Variants in ASTN2 observed in about 807,000 individuals in gnomAD.
The protein encoded by ASTN2 is astrotactin-2.
A neutral mutation model predicts 139.8 loss-of-function variants in ASTN2; 54 were observed. That is an observed-to-expected ratio of 0.39 (90% CI 0.31 to 0.48). ASTN2 has a LOEUF of 0.48. Among genes scored for constraint, ASTN2 ranks in the 20% least tolerant of loss-of-function variants. ASTN2 has a pLI of 0.95. For synonymous variants in ASTN2, 756 were observed against 719.5 expected, an observed-to-expected ratio of 1.05 and a Z score of -0.81; for missense variants, 1,565 against 1,725.1, an observed-to-expected ratio of 0.91 and a Z score of 1.64.
At chr9:116,874,068 G>A (rs959120494) in intron 10 of ASTN2, among the ~76,000 whole-genome samples, 2 of 152,190 alleles carry the variant, frequency 1.3e-5, no homozygotes, top group African/African-American at 4.8e-5. Flanking sequence ...ACACTCAGAT[G>A]CAGGACTTGG....
intron 3 of ASTN2, among the ~76,000 whole-genome samples, chr9:117,174,380 T>A (rs1375356752): frequency 1.3e-5 from 2 of 151,770 alleles, no homozygotes; most frequent in Non-Finnish European, 2.9e-5. Flanking sequence ...AACAGACAAC[T>A]AAAATAGCCA....
chr9:116,901,309 T>G (rs1834005479), intron 10 of ASTN2, among the ~76,000 whole-genome samples: 3 of 152,104 alleles, frequency 2.0e-5, no homozygotes, highest in Admixed American at 1.3e-4. Context: ...CCCAGGAGTT[T>G]GAGACCAGCC....
At chr9:116,616,607 T>C (rs1855867485) in intron 19 of ASTN2, among the ~76,000 whole-genome samples, 1 of 152,174 alleles carries the variant, frequency 6.6e-6, no homozygotes, top group African/African-American at 2.4e-5. Context: ...AGTTACATTG[T>C]TTTTTATTTG....
At chr9:116,684,565 A>C (rs1272670968) in intron 16 of ASTN2, among the ~76,000 whole-genome samples, 2 of 152,154 alleles carry the variant, frequency 1.3e-5, no homozygotes, top group Non-Finnish European at 2.9e-5. Context: ...TGTTCACCTA[A>C]ATACTGTACT....
At chr9:116,951,721 C>A (rs1835569951) in intron 10 of ASTN2, among the ~76,000 whole-genome samples, 1 of 152,138 alleles carries the variant, frequency 6.6e-6, no homozygotes, top group South Asian at 2.1e-4. Context: ...ATGCAATCAC[C>A]AGCAAGTTAT....
At chr9:116,771,595 T>G (rs1315991080) in intron 13 of ASTN2, among the ~76,000 whole-genome samples, 1 of 152,230 alleles carries the variant, frequency 6.6e-6, no homozygotes, top group Admixed American at 6.5e-5. Context: ...AATGAATGAA[T>G]GAATCTAATT....
At chr9:117,338,821 C>T (rs1828975419) in intron 1 of ASTN2, among the ~76,000 whole-genome samples, 1 of 151,980 alleles carries the variant, frequency 6.6e-6, no homozygotes. Context: ...AATATCTTAA[C>T]TTTCAGGCCT....
At chr9:116,548,936 C>T (rs1564107107) in intron 19 of ASTN2, among the ~76,000 whole-genome samples, 3 of 152,102 alleles carry the variant, frequency 2.0e-5, no homozygotes, top group Admixed American at 6.5e-5. Context: ...ATGCTGAGAT[C>T]CCTGTAAGCT....
chr9:116,521,180 A>T (rs983735117), intron 19 of ASTN2, among the ~76,000 whole-genome samples: 13 of 152,140 alleles, frequency 8.5e-5, no homozygotes, highest in African/African-American at 9.7e-5. Flanking sequence ...GGACCAAAAA[A>T]GAGCCTGCAT....
chr9:116,663,617 G>C (rs1191200740), intron 16 of ASTN2, among the ~76,000 whole-genome samples: 2 of 152,080 alleles, frequency 1.3e-5, no homozygotes, highest in Non-Finnish European at 2.9e-5. Context: ...CTAGGGGCAG[G>C]GAGAAGGATC....
At chr9:117,255,609 A>C (rs1444415583) in intron 2 of ASTN2, among the ~76,000 whole-genome samples, 1 of 152,202 alleles carries the variant, frequency 6.6e-6, no homozygotes, top group Admixed American at 6.5e-5. Context: ...GTAGAGGTGA[A>C]GGAGAGTCTT....
chr9:117,413,705 A>ATCTCC (rs968052484), intron 1 of ASTN2, among the ~76,000 whole-genome samples: 3 of 152,020 alleles, frequency 2.0e-5, no homozygotes, highest in East Asian at 1.9e-4. Context: ...ACCCACACCC[A>ATCTCC]TCTCCTCTCC....
chr9:116,816,234 AACAG>A (rs1293896128), intron 12 of ASTN2, among the ~76,000 whole-genome samples: 1 of 152,222 alleles, frequency 6.6e-6, no homozygotes, highest in Admixed American at 6.5e-5. Context: ...ACACACACAA[AACAG>A]ACAAACTTTG....
At chr9:116,540,654 A>C (rs899686772) in intron 19 of ASTN2, 7 of 152,162 alleles carry the variant, frequency 4.6e-5, no homozygotes, top group South Asian at 2.1e-4. Context: ...CACTAATCTC[A>C]AAGAGAGCTT....
intron 16 of ASTN2, among the ~76,000 whole-genome samples, chr9:116,681,859 T>C (rs894147284): frequency 6.6e-6 from 1 of 150,948 alleles, no homozygotes; most frequent in African/African-American, 2.4e-5. Context: ...CCTTACACCT[T>C]ATACAAAAAT....
intron 13 of ASTN2, among the ~76,000 whole-genome samples, chr9:116,756,938 G>C (rs1829548639): frequency 6.6e-6 from 1 of 152,062 alleles, no homozygotes; most frequent in Admixed American, 6.6e-5. Context: ...AGGTTTCCAG[G>C]GTGCTATTAT....
chr9:116,489,761 T>C (rs1382856922), intron 19 of ASTN2, among the ~76,000 whole-genome samples: 3 of 152,248 alleles, frequency 2.0e-5, no homozygotes, highest in Non-Finnish European at 2.9e-5. Flanking sequence ...TAGAAGGTAT[T>C]TGCTCCTTTA....
chr9:117,411,641 T>C (rs539307594), intron 1 of ASTN2, among the ~76,000 whole-genome samples: 1 of 152,168 alleles, frequency 6.6e-6, no homozygotes, highest in Non-Finnish European at 1.5e-5. Context: ...TTCTTCTTTT[T>C]GTTTGTCCCC....
intron 2 of ASTN2, among the ~76,000 whole-genome samples, chr9:117,237,136 G>A (rs1383946858): frequency 6.6e-6 from 1 of 152,126 alleles, no homozygotes; most frequent in Non-Finnish European, 1.5e-5. Context: ...CTTAAGACAT[G>A]CTTCTGAAAT....
Sources: allele counts gnomAD v4.1 joint callset (sites outside exome capture counted in the v4.1 genomes callset), GRCh38; gene constraint gnomAD v4.1.1; transcripts MANE v1.5; gene names NCBI Gene and HGNC (gene_info 2026-07-23, HGNC 2026-07-21).